Variants in PCDH15 observed in about 807,000 individuals in gnomAD.
The protein encoded by PCDH15 is protocadherin related 15.
Under a neutral mutation model 178.5 loss-of-function variants are expected in PCDH15, and 129 were observed. The observed-to-expected ratio is 0.72, with a 90% CI of 0.63 to 0.84. The LOEUF is 0.84. PCDH15 is among the 40% of genes least tolerant of loss of function. PCDH15 has a pLI of 0.00. For synonymous variants in PCDH15, 800 were observed against 732.0 expected (o/e 1.09, Z -1.50); for missense variants, 2,230 against 2,099.9 (o/e 1.06, Z -1.21).
chr10:53,850,457 C>T (rs924814375), intron 28 of PCDH15, among the ~76,000 whole-genome samples: 1 of 152,058 alleles, frequency 6.6e-6, no homozygotes, highest in East Asian at 1.9e-4. Flanking sequence ...GGTTACTTCT[C>T]TACTAAATAA....
intron 3 of PCDH15, among the ~76,000 whole-genome samples, chr10:54,392,571 T>G (rs929562576): frequency 6.6e-6 from 1 of 151,630 alleles, no homozygotes; most frequent in African/African-American, 2.4e-5. Flanking sequence ...TTGATAGTAT[T>G]TATAACGTTA....
In PCDH15 at chr10:54,799,136, T is replaced by A. The variant is rs184601270; in HGVS notation, c.-29+1789A>T. 2.0e-5 allele frequency among the ~76,000 whole-genome samples: 3 copies of A among 152,248 alleles called. No homozygotes were observed. The East Asian group carries it at 5.8e-4, about 29-fold the overall frequency. On this transcript the variant is annotated intron_variant, in intron 1 of 37. Transcript: ENST00000644397. ...ACGTTTTGTGATCAAATAATTATAG[T>A]GATTTCCTTTGATAAAAATAATAAT...
At chr10:54,989,954 T>G (rs1298544077) in intron 2 of PCDH15, among the ~76,000 whole-genome samples, 1 of 152,154 alleles carries the variant, frequency 6.6e-6, no homozygotes, top group Non-Finnish European at 1.5e-5. Context: ...TCACAGGATC[T>G]GATGGTTTTA....
At chr10:54,645,680 A>T (rs1271371490) in intron 2 of PCDH15, among the ~76,000 whole-genome samples, 1 of 152,110 alleles carries the variant, frequency 6.6e-6, no homozygotes, top group Admixed American at 6.6e-5. Flanking sequence ...GAAGTGGCCA[A>T]TATATTGTGC....
chr10:54,378,874 A>C lies in PCDH15; in HGVS notation c.226T>G (p.Ser76Ala), dbSNP rs1222858474. The change falls in exon 4 of 38, where the codon TCT becomes GCT. Residue 76 changes from serine to alanine, a missense_variant. Coordinates refer to ENST00000644397, the MANE Select transcript of PCDH15 (RefSeq NM_001384140.1). ...CAGTAATCCACATTATCCTTTAAAG[A>C]AAGTTCTATGGTGGGGTCTGGTCCT... ...AGGPDPTIEL[S>A]LKDNVDYWVL... The C allele has an allele frequency of 6.2e-7, 1 of 1,613,844 alleles. No individual in the cohort carries two copies. Among genetic ancestry groups the C allele is most frequent in the South Asian group, 1.1e-5 (1 of 91,080 alleles).
chr10:53,962,910 A>C (rs1370869632), intron 21 of PCDH15, among the ~76,000 whole-genome samples: 1 of 152,182 alleles, frequency 6.6e-6, no homozygotes, highest in Non-Finnish European at 1.5e-5. Flanking sequence ...GGCCTTGTAA[A>C]TTTCTTAAAA....
chr10:54,743,213 G>A (rs1318193046), intron 1 of PCDH15, among the ~76,000 whole-genome samples: 1 of 151,968 alleles, frequency 6.6e-6, no homozygotes, highest in Non-Finnish European at 1.5e-5. Context: ...AAATTATTAA[G>A]TTCTTATATA....
At chr10:54,395,866 T>C (rs1194705012) in intron 3 of PCDH15, among the ~76,000 whole-genome samples, 1 of 152,138 alleles carries the variant, frequency 6.6e-6, no homozygotes. Flanking sequence ...CAATGTATTA[T>C]TGTAGATATA....
chr10:54,363,315 C>G (rs1008659024), intron 5 of PCDH15, among the ~76,000 whole-genome samples: 3 of 152,106 alleles, frequency 2.0e-5, no homozygotes, highest in Non-Finnish European at 4.4e-5. Flanking sequence ...GGTCATTTAT[C>G]ATACATGGAA....
In PCDH15 at chr10:55,551,240, G is replaced by A. The variant is rs568658934; in HGVS notation, c.-156+76385C>T. Among the ~76,000 whole-genome samples the A allele has an allele frequency of 1.1e-4, 17 of 152,040 alleles. No individual in the cohort carries two copies. In the East Asian group the frequency reaches 3.1e-3, roughly 28 times the overall value. ...TAGAAGCTATCTGTAGTAGGTAGTA[G>A]TTTTAACCTCAAGATTTTTAATTCA... On this transcript the variant is annotated intron_variant, in intron 2 of 5. Coordinates refer to the PCDH15 transcript ENST00000613346.
At chr10:55,125,147 T>C (rs1011764950) in intron 2 of PCDH15, among the ~76,000 whole-genome samples, 6 of 140,218 alleles carry the variant, frequency 4.3e-5, no homozygotes, top group Non-Finnish European at 7.8e-5. Flanking sequence ...AGGATACTTT[T>C]TGAATTTTTT....
In PCDH15 at chr10:54,408,145, G is replaced by A. The variant is rs182193630; in HGVS notation, c.158-29203C>T. Among the ~76,000 whole-genome samples the A allele has an allele frequency of 6.0e-5, 9 of 149,370 alleles. 1 individual carries two copies. In the East Asian group the frequency reaches 1.4e-3, roughly 23 times the overall value. ...TAGGAGTTTTCTTCACTATATTTAG[G>A]AACATAATTAGCTGTTTTTTTAAAA... On this transcript the variant is annotated intron_variant, in intron 3 of 37. Transcript: ENST00000644397.
chr10:53,833,750 C>T (rs766868), intron 29 of PCDH15, among the ~76,000 whole-genome samples: 58,252 of 151,710 alleles, frequency 0.38, 11,848 homozygotes, highest in East Asian at 0.75. Flanking sequence ...TCAGAAATAA[C>T]TGTCATTATC....
intron 1 of PCDH15, among the ~76,000 whole-genome samples, chr10:54,710,385 T>C (rs1293895773): frequency 2.0e-5 from 3 of 152,094 alleles, no homozygotes; most frequent in African/African-American, 7.2e-5. Flanking sequence ...TTTAATATTG[T>C]TTAATAATAC....
At chr10:53,886,568 A>G (rs1195245144) in intron 26 of PCDH15, among the ~76,000 whole-genome samples, 1 of 141,362 alleles carries the variant, frequency 7.1e-6, no homozygotes, top group Non-Finnish European at 1.5e-5. Flanking sequence ...AGGAGCTGCT[A>G]GTCGTTTCCT....
intron 2 of PCDH15, among the ~76,000 whole-genome samples, chr10:54,537,117 G>C (rs1279269828): frequency 6.8e-6 from 1 of 147,418 alleles, no homozygotes; most frequent in Non-Finnish European, 1.5e-5. Flanking sequence ...TTCTGCCTCA[G>C]CCTCCCGAGT....
intron 1 of PCDH15, among the ~76,000 whole-genome samples, chr10:55,299,756 G>C (rs541550242): frequency 3.9e-5 from 6 of 152,068 alleles, no homozygotes. Context: ...CAAGTCCCTA[G>C]CTAATTTAAG....
intron 2 of PCDH15, among the ~76,000 whole-genome samples, chr10:55,419,757 G>A (rs1170569269): frequency 8.0e-6 from 1 of 124,310 alleles, no homozygotes; most frequent in Non-Finnish European, 1.7e-5. Flanking sequence ...GTTGCTTTAG[G>A]GCTACAAGTG....
intron 2 of PCDH15, among the ~76,000 whole-genome samples, chr10:55,357,367 C>A (rs953862218): frequency 4.6e-5 from 7 of 151,788 alleles, no homozygotes; most frequent in Admixed American, 6.6e-5. Flanking sequence ...TGTTTCCCTG[C>A]ACTTTTTTAG....
Sources: gnomAD v4.1 joint callset for allele counts (sites outside exome capture counted in the v4.1 genomes callset) on GRCh38, gnomAD v4.1.1 for gene constraint, MANE v1.5 for transcripts, NCBI Gene and HGNC (gene_info 2026-07-23, HGNC 2026-07-21) for gene names.